ZKSCAN5: variants seen among roughly 807,000 people sequenced by gnomAD.
ZKSCAN5 encodes zinc finger with KRAB and SCAN domains 5, also known as zinc finger protein with KRAB and SCAN domains 5.
In ZKSCAN5, 28 loss-of-function variants were observed where a neutral mutation model predicts 60.0. The ratio of observed to expected loss-of-function variants is 0.47; its 90% CI spans 0.35 to 0.64. The LOEUF is 0.64. Among genes scored for constraint, ZKSCAN5 ranks in the 30% least tolerant of loss-of-function variants. The pLI is 0.01. For missense variants in ZKSCAN5, 881 were observed against 1,034.6 expected, an observed-to-expected ratio of 0.85 and a Z score of 2.04; for synonymous variants, 361 against 371.2, an observed-to-expected ratio of 0.97 and a Z score of 0.31.
At chr7:99,523,302 A>C (rs1030542264) in intron 5 of ZKSCAN5, among the ~76,000 whole-genome samples, 13 of 151,866 alleles carry the variant, frequency 8.6e-5, no homozygotes, top group Non-Finnish European at 1.6e-4. Context: ...ACATGTCTCC[A>C]CTGAGAGACA....
rs1802089410 is a variant in ZKSCAN5, at chr7:99,532,243, G to T, written c.2514G>T (p.Leu838=). 6.4e-7 allele frequency: 1 copy of T among 1,562,902 alleles called. No individual in the cohort carries two copies. Among genetic ancestry groups the T allele is most frequent in the Non-Finnish European group, 8.6e-7 (1 of 1,160,204 alleles). The change falls in exon 7 of 7, where the codon CTG becomes CTT. Residue 838 remains leucine (L), a synonymous_variant. Transcript: ENST00000326775. ...ATACCTTAAGTGTAGAGGGGTCTCT[G>T]TTGTAGAATAGCTCTTAATTTTAGA... is the stretch of plus-strand genomic sequence containing the variant. The part of the protein sequence containing the change: ...PINTLSVEGS[L]L
At chr7:99,530,716 G>A (rs148844336) in intron 6 of ZKSCAN5, among the ~76,000 whole-genome samples, 38 of 152,208 alleles carry the variant, frequency 2.5e-4, no homozygotes, top group African/African-American at 8.9e-4. Context: ...TTACATCATA[G>A]TTTCATCTGA....
chr7:99,512,122 C>T (rs376123396), intron 2 of ZKSCAN5, among the ~76,000 whole-genome samples: 31 of 152,250 alleles, frequency 2.0e-4, no homozygotes, highest in African/African-American at 6.3e-4. Flanking sequence ...TGTTTGCTTA[C>T]GGGACACTTC....
At chr7:99,509,559 C>T (rs901665070) in intron 2 of ZKSCAN5, among the ~76,000 whole-genome samples, 10 of 151,042 alleles carry the variant, frequency 6.6e-5, no homozygotes, top group South Asian at 2.1e-4. Flanking sequence ...CTCCACCTCC[C>T]GGGTTCATGC....
In ZKSCAN5 at chr7:99,516,358, T is replaced by G. The variant is rs1353202418; in HGVS notation, c.554-3469T>G. On this transcript the variant is annotated intron_variant, in intron 3 of 6. Transcript: ENST00000326775. ...ATTCGGACATAGACTGTATTCACCA[T>G]TTTCATCAACTTCTGTTTTCAGTCT... Among the ~76,000 whole-genome samples the G allele has an allele frequency of 2.0e-5, 3 of 152,182 alleles. No individual in the cohort carries two copies. The East Asian group carries it at 5.8e-4, about 29-fold the overall frequency.
chr7:99,511,200 A>T (rs931049636), intron 2 of ZKSCAN5, among the ~76,000 whole-genome samples: 2 of 152,228 alleles, frequency 1.3e-5, no homozygotes, highest in Admixed American at 1.3e-4. Context: ...CCAGAATTCC[A>T]GGTTCTAGAG....
At chr7:99,515,803 C>T (rs1037706397) in intron 3 of ZKSCAN5, among the ~76,000 whole-genome samples, 4 of 147,216 alleles carry the variant, frequency 2.7e-5, no homozygotes, top group African/African-American at 1.0e-4. Context: ...CACTGCACTC[C>T]AGCCTGGGCG....
At chr7:99,509,562 G>A (rs1800925194) in intron 2 of ZKSCAN5, among the ~76,000 whole-genome samples, 1 of 151,260 alleles carries the variant, frequency 6.6e-6, no homozygotes, top group Non-Finnish European at 1.5e-5. Flanking sequence ...CACCTCCCGG[G>A]TTCATGCCAT....
chr7:99,522,199 A>G (rs755133379), intron 5 of ZKSCAN5, among the ~76,000 whole-genome samples: 2 of 152,128 alleles, frequency 1.3e-5, no homozygotes, highest in Admixed American at 6.6e-5. Flanking sequence ...GCGGATTTCT[A>G]TTAATAACAG....
intron 2 of ZKSCAN5, among the ~76,000 whole-genome samples, chr7:99,510,030 G>A (rs186452075): frequency 6.8e-6 from 1 of 146,530 alleles, no homozygotes; most frequent in East Asian, 2.1e-4. Flanking sequence ...CTGCAGCCTC[G>A]AACTCCTGGC....
At chr7:99,516,022 CTG>C (rs2151102299) in intron 3 of ZKSCAN5, among the ~76,000 whole-genome samples, 1 of 151,770 alleles carries the variant, frequency 6.6e-6, no homozygotes, top group South Asian at 2.1e-4. Context: ...GGGTCTCACT[CTG>C]TTGCCTAGGC....
At chr7:99,519,381 G>T (rs565115002) in intron 3 of ZKSCAN5, among the ~76,000 whole-genome samples, 1 of 150,958 alleles carries the variant, frequency 6.6e-6, no homozygotes. Flanking sequence ...AGGTTCAAGC[G>T]ATTATCATGC....
intron 2 of ZKSCAN5, among the ~76,000 whole-genome samples, chr7:99,506,984 C>A (rs561209247): frequency 2.0e-5 from 3 of 152,034 alleles, no homozygotes; most frequent in Non-Finnish European, 4.4e-5. Context: ...GCGTGAGCCA[C>A]CATGCCCGGC....
intron 3 of ZKSCAN5, among the ~76,000 whole-genome samples, chr7:99,515,962 T>G (rs766899272): frequency 2.6e-5 from 4 of 151,252 alleles, no homozygotes; most frequent in Admixed American, 6.6e-5. Context: ...GAATCCATCC[T>G]CCTCCCCTCT....
In ZKSCAN5 at chr7:99,533,796, T is replaced by C; in HGVS notation, c.*1547T>C. On this transcript the variant is annotated 3_prime_UTR_variant, in exon 7 of 7. Transcript: ENST00000326775. ...GTTTCATTCCCTCCCTCAAAGGCGT[T>C]TCCCAAATAAATCACACTGTCAATC... 2.5e-6 allele frequency: 1 copy of C among 396,380 alleles called. No homozygotes were observed. The highest frequency in any genetic ancestry group is 4.4e-6 in the Non-Finnish European group (1 of 225,302). The allele number at this position is 396,380 out of a possible 1,614,324, so 24.6% of individuals were successfully genotyped here.
chr7:99,521,840 A>G (rs758692667), intron 5 of ZKSCAN5, among the ~76,000 whole-genome samples: 24 of 152,094 alleles, frequency 1.6e-4, no homozygotes, highest in Non-Finnish European at 2.9e-4. Context: ...AATTACTCAT[A>G]TAGTATAAAT....
intron 2 of ZKSCAN5, 79 bp from the exon 3 acceptor site, chr7:99,512,374 A>G: frequency 2.0e-6 from 3 of 1,525,610 alleles, no homozygotes; most frequent in Non-Finnish European, 1.8e-6. Flanking sequence ...GGAATGAATG[A>G]AAGTCCACCA....
At position 99,532,638 on chromosome 7, in the gene ZKSCAN5, G is replaced by A. The variant is rs1048755337; in HGVS notation, c.*389G>A. On this transcript the variant is annotated 3_prime_UTR_variant, in exon 7 of 7. Transcript: ENST00000326775. ...TGTAGCTTCTGCCTTGTTTGACGGC[G>A]TATCTATTCAGGGAAGCGCACAGTA... 29 of 171,870 alleles carry A rather than the reference G, an allele frequency of 1.7e-4. No homozygotes were observed. Among genetic ancestry groups the A allele is most frequent in the Admixed American group, 1.2e-3 (21 of 17,396 alleles). The allele number at this position is 171,870 out of a possible 1,614,324, so 10.6% of individuals were successfully genotyped here. A position where few individuals can be genotyped will look rare whatever the true frequency, so the allele number is the denominator to read the frequency against.
intron 2 of ZKSCAN5, 21 bp from the exon 3 acceptor site, chr7:99,512,432 G>T (rs972087076): frequency 1.2e-6 from 2 of 1,611,216 alleles, no homozygotes; most frequent in African/African-American, 2.7e-5. Flanking sequence ...TGTACTGATC[G>T]GTTTTGGTTG....
Sources: gnomAD v4.1 joint callset for allele counts (sites outside exome capture counted in the v4.1 genomes callset) on GRCh38, gnomAD v4.1.1 for gene constraint, MANE v1.5 for transcripts, NCBI Gene and HGNC (gene_info 2026-07-23, HGNC 2026-07-21) for gene names.